The following SYN3 variants were observed in gnomAD, a reference collection of about 807,000 sequenced individuals.
SYN3 encodes synapsin-3.
SYN3 carries 35 observed loss-of-function variants against 65.8 expected under a neutral mutation model. The observed-to-expected ratio is 0.53, with a 90% CI of 0.41 to 0.70. The LOEUF is 0.70. Ranked by LOEUF, SYN3 falls within the 30% of genes least tolerant of loss-of-function variation. The pLI is 0.00. For missense variants in SYN3, 680 were observed against 749.0 expected (o/e 0.91, Z 1.08); for synonymous variants, 270 against 292.9 (o/e 0.92, Z 0.80).
intron 6 of SYN3, among the ~76,000 whole-genome samples, chr22:32,778,694 C>G (rs1036578284): frequency 6.6e-6 from 1 of 152,066 alleles, no homozygotes; most frequent in Non-Finnish European, 1.5e-5. Flanking sequence ...AGCGGAATCC[C>G]TAGGACTTGC....
chr22:32,946,641 G>A (rs987435804), intron 3 of SYN3, among the ~76,000 whole-genome samples: 2 of 151,982 alleles, frequency 1.3e-5, no homozygotes, highest in Admixed American at 1.3e-4. Flanking sequence ...GTATACATAG[G>A]TAACAAACCT....
chr22:32,545,114 G>C (rs866282344), intron 7 of SYN3, among the ~76,000 whole-genome samples: 6 of 152,190 alleles, frequency 3.9e-5, no homozygotes, highest in African/African-American at 1.4e-4. Flanking sequence ...TGTACTCCTC[G>C]CTTCTCTCCC....
intron 6 of SYN3, among the ~76,000 whole-genome samples, chr22:32,615,152 C>A (rs574793099): frequency 1.3e-5 from 2 of 152,250 alleles, no homozygotes; most frequent in African/African-American, 4.8e-5. Context: ...GTGGCTCATG[C>A]CTGTAATCCC....
rs548486610 is a variant in SYN3, at chr22:32,567,315, G to A, written c.775-25602C>T. ...AGGGCAGGTGCAATAGAACGATGAC[G>A]GAGATCCTCCCTCCCTCCCTCCCTC... On this transcript the variant is annotated intron_variant, in intron 7 of 13. Coordinates refer to ENST00000358763, the MANE Select transcript of SYN3 (RefSeq NM_003490.4). 9.2e-4 allele frequency among the ~76,000 whole-genome samples: 133 copies of A among 144,608 alleles called. 1 individual carries two copies. The highest frequency in any genetic ancestry group is 3.2e-3 in the African/African-American group (125 of 39,610). The allele number at this position is 144,608 out of a possible 152,430, so 94.9% of individuals were successfully genotyped here. A position where few individuals can be genotyped will look rare whatever the true frequency, so the allele number is the denominator to read the frequency against.
intron 6 of SYN3, among the ~76,000 whole-genome samples, chr22:32,852,084 C>A (rs1601541569): frequency 6.6e-6 from 1 of 152,212 alleles, no homozygotes; most frequent in Non-Finnish European, 1.5e-5. Flanking sequence ...AGGCATTCTG[C>A]TAGGTCTTTG....
intron 3 of SYN3, among the ~76,000 whole-genome samples, chr22:32,978,002 A>T (rs921111418): frequency 1.3e-5 from 2 of 152,238 alleles, no homozygotes; most frequent in Non-Finnish European, 2.9e-5. Flanking sequence ...GGGAATAACC[A>T]GGTTACCTGA....
At chr22:32,887,520 C>A (rs1475712035) in intron 4 of SYN3, among the ~76,000 whole-genome samples, 1 of 152,164 alleles carries the variant, frequency 6.6e-6, no homozygotes, top group Admixed American at 6.5e-5. Context: ...GCCAGTTGAG[C>A]TTCCAGATAA....
chr22:32,556,331 C>T lies in SYN3; in HGVS notation c.775-14618G>A, dbSNP rs144656447. On this transcript the variant is annotated intron_variant, in intron 7 of 13. Transcript: ENST00000358763. The stretch of plus-strand genomic sequence containing the variant: ...CTGAACCTTAGAATCAGATTGGACA[C>T]CATTACCCTCATTTCCTCTCCCACG... Among the ~76,000 whole-genome samples, 361 of 152,250 alleles carry T rather than the reference C, an allele frequency of 2.4e-3. 1 individual carries two copies. The highest frequency in any genetic ancestry group is 4.0e-3 in the Non-Finnish European group (270 of 68,036).
chr22:32,652,992 G>A (rs546220023), intron 6 of SYN3, among the ~76,000 whole-genome samples: 2 of 152,294 alleles, frequency 1.3e-5, no homozygotes, highest in East Asian at 3.9e-4. Flanking sequence ...TTCATTGCAC[G>A]TGTTTTTTTC....
At chr22:32,842,120 G>T (rs73158348) in intron 6 of SYN3, among the ~76,000 whole-genome samples, 16,635 of 152,174 alleles carry the variant, frequency 0.11, 1,092 homozygotes, top group African/African-American at 0.19. Flanking sequence ...TATCTGCTGG[G>T]ATGGGAAGTG....
chr22:32,590,271 T>C (rs1275575924), intron 7 of SYN3, among the ~76,000 whole-genome samples: 1 of 152,246 alleles, frequency 6.6e-6, no homozygotes, highest in Admixed American at 6.5e-5. Flanking sequence ...TTCCTGGTTT[T>C]TAAATTTTAT....
intron 6 of SYN3, among the ~76,000 whole-genome samples, chr22:32,768,048 T>G (rs974961399): frequency 2.6e-5 from 4 of 151,222 alleles, no homozygotes; most frequent in African/African-American, 9.9e-5. Context: ...TCTTTAAAAG[T>G]ATCATTTCTC....
At chr22:32,535,809 C>T (rs1285065185) in intron 9 of SYN3, among the ~76,000 whole-genome samples, 1 of 152,142 alleles carries the variant, frequency 6.6e-6, no homozygotes, top group Non-Finnish European at 1.5e-5. Context: ...CCCCTCCTGC[C>T]AGGTGGGACT....
At chr22:32,668,033 C>T (rs2060314254) in intron 6 of SYN3, among the ~76,000 whole-genome samples, 2 of 152,000 alleles carry the variant, frequency 1.3e-5, no homozygotes, top group South Asian at 4.1e-4. Flanking sequence ...TGACCTGATC[C>T]GCCTGACTCA....
At chr22:32,681,321 A>G (rs1013851070) in intron 6 of SYN3, among the ~76,000 whole-genome samples, 1 of 149,884 alleles carries the variant, frequency 6.7e-6, no homozygotes, top group African/African-American at 2.5e-5. Flanking sequence ...GGATAGTGCC[A>G]AATGGCTTGC....
At chr22:32,528,339 G>A (rs1313013250) in intron 11 of SYN3, among the ~76,000 whole-genome samples, 3 of 152,142 alleles carry the variant, frequency 2.0e-5, no homozygotes, top group Non-Finnish European at 2.9e-5. Flanking sequence ...TGGAAGTTTG[G>A]GGACTTGCTT....
intron 6 of SYN3, among the ~76,000 whole-genome samples, chr22:32,729,471 CA>C (rs777381143): frequency 2.6e-5 from 4 of 152,222 alleles, no homozygotes; most frequent in Non-Finnish European, 5.9e-5. Flanking sequence ...GAGGCACCTT[CA>C]GGGGATCCTC....
At chr22:32,985,924 T>C (rs1049138595) in intron 2 of SYN3, among the ~76,000 whole-genome samples, 1 of 152,032 alleles carries the variant, frequency 6.6e-6, no homozygotes, top group Non-Finnish European at 1.5e-5. Flanking sequence ...CCCCCTTCCC[T>C]AGCTGGGCTG....
intron 6 of SYN3, among the ~76,000 whole-genome samples, chr22:32,739,191 C>T (rs1193624997): frequency 6.6e-6 from 1 of 151,012 alleles, no homozygotes; most frequent in Non-Finnish European, 1.5e-5. Flanking sequence ...GGGCGGTTTC[C>T]CCCATACTGT....
Sources: allele counts gnomAD v4.1 joint callset (sites outside exome capture counted in the v4.1 genomes callset), GRCh38; gene constraint gnomAD v4.1.1; transcripts MANE v1.5; gene names NCBI Gene and HGNC (gene_info 2026-07-23, HGNC 2026-07-21).